PLCG2: variants seen among roughly 807,000 people sequenced by gnomAD.
The protein encoded by PLCG2 is phospholipase C gamma 2.
In PLCG2, 69 loss-of-function variants were observed where a neutral mutation model predicts 175.6. The ratio of observed to expected loss-of-function variants is 0.39; its 90% CI spans 0.32 to 0.48. The LOEUF is 0.48. PLCG2 is among the 20% of genes least tolerant of loss of function. The probability of loss-of-function intolerance (pLI) is 0.91; values close to 1 mark genes in which losing one functional copy is unlikely to be tolerated. For missense variants in PLCG2, 1,798 were observed against 1,650.9 expected (o/e 1.09, Z -1.54); for synonymous variants, 827 against 624.0 (o/e 1.33, Z -4.85).
chr16:81,918,262 A>G (rs777725638), intron 19 of PLCG2, among the ~76,000 whole-genome samples: 1 of 152,170 alleles, frequency 6.6e-6, no homozygotes, highest in Non-Finnish European at 1.5e-5. Context: ...CATATCTGAA[A>G]AATAATTGCC....
At chr16:81,805,910 G>C (rs1376470489) in intron 2 of PLCG2, among the ~76,000 whole-genome samples, 2 of 151,132 alleles carry the variant, frequency 1.3e-5, no homozygotes, top group South Asian at 2.1e-4. Flanking sequence ...GAGTAGCTGG[G>C]ATTACAGGTG....
intron 5 of PLCG2, among the ~76,000 whole-genome samples, chr16:81,859,958 C>G (rs1427003305): frequency 6.6e-6 from 1 of 151,986 alleles, no homozygotes; most frequent in Non-Finnish European, 1.5e-5. Flanking sequence ...CTGCACAAAG[C>G]TCTATGACGG....
At position 81,785,956 on chromosome 16, in the gene PLCG2, C is replaced by T. The variant is rs375123176; in HGVS notation, c.-34C>T. The T allele has an allele frequency of 6.3e-7, 1 of 1,593,206 alleles. No individual in the cohort carries two copies. The highest frequency in any genetic ancestry group is 1.3e-5 in the African/African-American group (1 of 74,360). ...CTGCCCTTTCAGCTTCCTGATTTCTCCCGATTCCTTCCTTCTCCCTGGAGC... is the reference window on the plus strand; with the variant it reads ...CTGCCCTTTCAGCTTCCTGATTTCTTCCGATTCCTTCCTTCTCCCTGGAGC... On this transcript the variant is annotated 5_prime_UTR_variant, in exon 2 of 33. Coordinates refer to ENST00000564138, the MANE Select transcript of PLCG2 (RefSeq NM_002661.5).
At position 81,821,145 on chromosome 16, in the gene PLCG2, G is replaced by T. The variant is rs751365914; in HGVS notation, c.194-33299G>T. 2.0e-5 allele frequency among the ~76,000 whole-genome samples: 3 copies of T among 152,378 alleles called. No homozygotes were observed. The South Asian group carries it at 6.2e-4, about 32-fold the overall frequency. On this transcript the variant is annotated intron_variant, in intron 2 of 32. Coordinates refer to ENST00000564138, the MANE Select transcript of PLCG2 (RefSeq NM_002661.5). ...GATGTCAAATGATCTGCCCGCCTCG[G>T]CCTCCCAAAGTGCTGGGATTACAGG... is the stretch of plus-strand genomic sequence containing the variant.
At chr16:81,902,306 A>G (rs950010845) in intron 14 of PLCG2, among the ~76,000 whole-genome samples, 2 of 152,082 alleles carry the variant, frequency 1.3e-5, no homozygotes, top group African/African-American at 4.8e-5. Context: ...ATCACAAAAT[A>G]CCCTAAGCTG....
intron 31 of PLCG2, among the ~76,000 whole-genome samples, chr16:81,947,774 T>TAAAG (rs1911207257): frequency 1.3e-5 from 2 of 152,232 alleles, no homozygotes; most frequent in African/African-American, 2.4e-5. Context: ...GTTTAGTTTA[T>TAAAG]AAAGAGTATT....
chr16:81,911,343 G>T (rs1225817857), intron 18 of PLCG2, among the ~76,000 whole-genome samples: 1 of 152,018 alleles, frequency 6.6e-6, no homozygotes, highest in Admixed American at 6.6e-5. Context: ...TGAAACTCCT[G>T]CTGTGATCTC....
chr16:81,891,958 G>GTGTA (rs1378066665), intron 11 of PLCG2, among the ~76,000 whole-genome samples: 15 of 152,234 alleles, frequency 9.9e-5, no homozygotes, highest in Admixed American at 6.5e-5. Context: ...TATAGGGAGT[G>GTGTA]TGTACCCTGT....
At chr16:81,879,017 C>A (rs975415169) in intron 7 of PLCG2, among the ~76,000 whole-genome samples, 1 of 152,122 alleles carries the variant, frequency 6.6e-6, no homozygotes, top group Non-Finnish European at 1.5e-5. Context: ...CCAGGTCTTT[C>A]CTGGTTCTGG....
At chr16:81,910,752 C>G (rs555975146) in intron 18 of PLCG2, 32 bp downstream of exon 18, 3 of 1,591,198 alleles carry the variant, frequency 1.9e-6, no homozygotes, top group Non-Finnish European at 2.6e-6. Context: ...AGGAGGCAGG[C>G]GGTGGTCGGG....
At chr16:81,858,983 C>T in intron 4 of PLCG2, 133 bp from the exon 5 acceptor site, 1 of 570,686 alleles carries the variant, frequency 1.8e-6, no homozygotes, top group Non-Finnish European at 3.1e-6. Flanking sequence ...CCAAGCTGCC[C>T]TTGTTAGAAA....
At chr16:81,826,454 G>A (rs143106118) in intron 2 of PLCG2, among the ~76,000 whole-genome samples, 42 of 152,306 alleles carry the variant, frequency 2.8e-4, no homozygotes, top group African/African-American at 9.4e-4. Context: ...CAAAGTGCTC[G>A]ACCTCGTGTG....
chr16:81,760,992 C>G (rs1910030615), intron 2 of PLCG2, among the ~76,000 whole-genome samples: 1 of 152,128 alleles, frequency 6.6e-6, no homozygotes, highest in Non-Finnish European at 1.5e-5. Context: ...CAACAGCGAC[C>G]TCCTGGGCTC....
chr16:81,812,950 G>C (rs541380971), intron 2 of PLCG2, among the ~76,000 whole-genome samples: 3 of 152,168 alleles, frequency 2.0e-5, no homozygotes, highest in Non-Finnish European at 4.4e-5. Context: ...CCCGTTGCTT[G>C]TTTTTGTCAA....
intron 2 of PLCG2, among the ~76,000 whole-genome samples, chr16:81,762,705 C>A (rs1910066605): frequency 6.6e-6 from 1 of 152,114 alleles, no homozygotes; most frequent in Non-Finnish European, 1.5e-5. Flanking sequence ...ATGGGAAAAG[C>A]CTGAGCAAAA....
chr16:81,740,775 A>C (rs1909576272), intron 1 of PLCG2, among the ~76,000 whole-genome samples: 1 of 149,980 alleles, frequency 6.7e-6, no homozygotes, highest in African/African-American at 2.4e-5. Flanking sequence ...AACCAAACCA[A>C]AACACAACCA....
chr16:81,897,688 G>C (rs904747199), intron 13 of PLCG2, among the ~76,000 whole-genome samples: 1 of 151,806 alleles, frequency 6.6e-6, no homozygotes, highest in African/African-American at 2.4e-5. Flanking sequence ...TGGGATTATA[G>C]GCATCCACCA....
chr16:81,785,102 A>C (rs1016183669), intron 1 of PLCG2, among the ~76,000 whole-genome samples: 4 of 152,064 alleles, frequency 2.6e-5, no homozygotes, highest in Non-Finnish European at 5.9e-5. Flanking sequence ...TCCTAGGAGG[A>C]GCCGGTGAAA....
At position 81,840,192 on chromosome 16, in the gene PLCG2, G is replaced by T. The variant is rs115154204; in HGVS notation, c.194-14252G>T. 4.6e-5 allele frequency among the ~76,000 whole-genome samples: 7 copies of T among 152,206 alleles called. No individual in the cohort carries two copies. In the South Asian group the frequency reaches 1.2e-3, roughly 27 times the overall value. On this transcript the variant is annotated intron_variant, in intron 2 of 32. Transcript: ENST00000564138. ...GAAACATCGGCAATCAACGAAGGGC[G>T]ATGAGATGGCTGCCTGGAGAGCATG...
Sources: gnomAD v4.1 joint callset for allele counts (sites outside exome capture counted in the v4.1 genomes callset) on GRCh38, gnomAD v4.1.1 for gene constraint, MANE v1.5 for transcripts, NCBI Gene and HGNC (gene_info 2026-07-23, HGNC 2026-07-21) for gene names.